The following NUDT11 variants were observed in gnomAD, a reference collection of about 807,000 sequenced individuals.
The protein encoded by NUDT11 is nudix hydrolase 11, also known as diphosphoinositol polyphosphate phosphohydrolase 3-beta.
Under a neutral mutation model 10.0 loss-of-function variants are expected in NUDT11, and 1 was observed. That is an observed-to-expected ratio of 0.10 (90% CI 0.04 to 0.47). The LOEUF is 0.47. Ranked by LOEUF, NUDT11 falls within the 20% of genes least tolerant of loss-of-function variation. NUDT11 has a pLI of 0.96. For missense variants in NUDT11, 47 were observed against 140.4 expected, an observed-to-expected ratio of 0.33 and a Z score of 3.36; for synonymous variants, 63 against 65.9, an observed-to-expected ratio of 0.96 and a Z score of 0.21.
intron 1 of NUDT11, among the ~76,000 whole-genome samples, chrX:51,492,400 T>C (rs949332887): frequency 8.4e-5 from 9 of 107,229 alleles, no homozygotes; most frequent in African/African-American, 1.4e-4. Context: ...GTAGTCTCAC[T>C]CTGTCGCCCA....
At chrX:51,492,242 AT>A (rs1262383672) in intron 1 of NUDT11, among the ~76,000 whole-genome samples, 89 of 109,556 alleles carry the variant, frequency 8.1e-4, no homozygotes, top group African/African-American at 2.7e-3. Flanking sequence ...CCAACAACAG[AT>A]TTTTTTTTTA....
At chrX:51,495,733 C>G (rs1475559559) in intron 1 of NUDT11, among the ~76,000 whole-genome samples, 1 of 110,719 alleles carries the variant, frequency 9.0e-6, no homozygotes, top group Non-Finnish European at 1.9e-5. Flanking sequence ...AACCAAGAAG[C>G]GATTTTGAAA....
At chrX:51,493,896 TAGAA>T (rs1557326405) in intron 1 of NUDT11, among the ~76,000 whole-genome samples, 1 of 112,084 alleles carries the variant, frequency 8.9e-6, no homozygotes, top group Non-Finnish European at 1.9e-5. Context: ...CTTCTAATGA[TAGAA>T]AGTACGAGTT....
chrX:51,496,138 G>C lies in NUDT11; in HGVS notation c.307C>G (p.Leu103Val). The change falls in exon 1 of 2, where the codon CTG becomes GTG. Residue 103 changes from leucine to valine, a missense_variant. By Grantham distance (32) the Leu-to-Val change is conservative (BLOSUM62 1). Transcript: ENST00000375992. ...TYVYVLTVTE[L>V]LEDWEDSVSI... ...ACCGAATCTTCCCAATCCTCCAGCA[G>C]CTCCGTGACAGTCAGTACATACACG... 1 of 1,211,741 alleles carries C rather than the reference G, an allele frequency of 8.3e-7. No homozygotes were observed. Among genetic ancestry groups the C allele is most frequent in the Non-Finnish European group, 1.1e-6 (1 of 895,361 alleles).
chrX:51,494,213 A>C (rs782436159), intron 1 of NUDT11, among the ~76,000 whole-genome samples: 28 of 112,515 alleles, frequency 2.5e-4, no homozygotes, highest in African/African-American at 8.7e-4. Context: ...TAAAAGTTAC[A>C]AAATATTTTT....
At chrX:51,492,578 T>C (rs1925619570) in intron 1 of NUDT11, among the ~76,000 whole-genome samples, 1 of 111,348 alleles carries the variant, frequency 9.0e-6, no homozygotes, top group Admixed American at 9.5e-5. Flanking sequence ...TTTCGCCATA[T>C]TGGCCAGGCT....
chrX:51,491,950 A>G (rs1925603210), intron 1 of NUDT11, among the ~76,000 whole-genome samples: 1 of 112,254 alleles, frequency 8.9e-6, no homozygotes, highest in Admixed American at 9.5e-5. Context: ...ATGATGTAAA[A>G]AAGTCAGGAA....
rs1251515646 is a variant in NUDT11 at position 51,496,530 on chromosome X, GC to G, written c.-87del. The G allele has an allele frequency of 2.7e-5, 32 of 1,169,737 alleles. No individual in the cohort carries two copies. The East Asian group carries it at 9.7e-4, about 35-fold the overall frequency. On this transcript the variant is annotated 5_prime_UTR_variant, in exon 1 of 2. Transcript: ENST00000375992. ...CTGCCGCTGCCGCCGCCGGGGAACA[GC>G]CGAGGTGCTGGGAAGAGAAAGGGCC...
In NUDT11 at chrX:51,496,005, C is replaced by T; in HGVS notation, c.440G>A (p.Gly147Asp). 8.3e-7 allele frequency: 1 copy of T among 1,208,107 alleles called. No homozygotes were observed. The highest frequency in any genetic ancestry group is 1.1e-6 in the Non-Finnish European group (1 of 892,831). ...AEYLEKLKLG[G>D]SPTNGNSMAP... ...CATGGAGTTTCCATTGGTTGGGGAA[C>T]CGCCCAGCTTTAGTTTCTCCAGATA... The change falls in exon 1 of 2, where the codon GGT becomes GAT. Residue 147 changes from glycine to aspartate, a missense_variant. Coordinates refer to ENST00000375992, the MANE Select transcript of NUDT11 (RefSeq NM_018159.4).
intron 1 of NUDT11, among the ~76,000 whole-genome samples, chrX:51,493,548 A>C (rs1925637965): frequency 8.9e-6 from 1 of 111,938 alleles, no homozygotes; most frequent in Admixed American, 9.5e-5. Context: ...ACAAAGTACA[A>C]ATCTCAGTTT....
At chrX:51,494,691 A>G (rs1437284928) in intron 1 of NUDT11, among the ~76,000 whole-genome samples, 1 of 111,395 alleles carries the variant, frequency 9.0e-6, no homozygotes, top group East Asian at 2.8e-4. Flanking sequence ...AGAGCAAAAT[A>G]ATGAGTAGGA....
rs1336878992 is a variant in NUDT11 at position 51,491,148 on chromosome X, A to G, written c.*601T>C. The G allele has an allele frequency of 8.9e-6, 1 of 112,527 alleles. No individual in the cohort carries two copies. The highest frequency in any genetic ancestry group is 1.9e-5 in the Non-Finnish European group (1 of 53,279). 9.3% of individuals were successfully genotyped at this position (112,527 alleles called of 1,213,427 possible). ...TGTTACACGAAGGACTGATTCTACA[A>G]AACATTACCCTAGGTGATGGCATAA... On this transcript the variant is annotated 3_prime_UTR_variant, in exon 2 of 2. Coordinates refer to ENST00000375992, the MANE Select transcript of NUDT11 (RefSeq NM_018159.4).
Position 51,496,570 on chromosome X carries a change from G to A in NUDT11, c.-126C>T. 1 of 1,048,150 alleles carries A rather than the reference G, an allele frequency of 9.5e-7. No homozygotes were observed. The highest frequency in any genetic ancestry group is 1.3e-6 in the Non-Finnish European group (1 of 795,088). 86.4% of individuals were successfully genotyped at this position (1,048,150 alleles called of 1,213,427 possible). A position where few individuals can be genotyped will look rare whatever the true frequency, so the allele number is the denominator to read the frequency against. On this transcript the variant is annotated 5_prime_UTR_variant, in exon 1 of 2. Coordinates refer to ENST00000375992, the MANE Select transcript of NUDT11 (RefSeq NM_018159.4). The stretch of plus-strand genomic sequence containing the variant: ...AGAGAAAGGGCCGAGGCGAGGGGCG[G>A]GGAAAGAGAGGCGCCTCCGTCTGCC...
chrX:51,493,661 C>T (rs1806989620), intron 1 of NUDT11, among the ~76,000 whole-genome samples: 2 of 110,700 alleles, frequency 1.8e-5, no homozygotes, highest in African/African-American at 6.5e-5. Context: ...TCTGATGAGA[C>T]TAAGTTCCAG....
Position 51,496,174 on chromosome X carries a change from G to A in NUDT11, c.271C>T (p.His91Tyr). The A allele has an allele frequency of 8.3e-7, 1 of 1,211,586 alleles. No individual in the cohort carries two copies. Among genetic ancestry groups the A allele is most frequent in the Non-Finnish European group, 1.1e-6 (1 of 895,417 alleles). ...GVFEQNQDRK[H>Y]RTYVYVLTVT... Reference sequence around the variant, plus strand: ...GTCAGTACATACACGTACGTTCTGTGCTTGCGATCCTGGTTCTGTTCGAAG... The same window carrying A: ...GTCAGTACATACACGTACGTTCTGTACTTGCGATCCTGGTTCTGTTCGAAG... Residue 91 changes from histidine (H) to tyrosine (Y), a missense_variant, in exon 1 of 2, where the codon CAC (histidine) becomes TAC (tyrosine). Coordinates refer to ENST00000375992, the MANE Select transcript of NUDT11 (RefSeq NM_018159.4).
At position 51,490,984 on chromosome X, in the gene NUDT11, C is replaced by A. The variant is rs1396814437; in HGVS notation, c.*765G>T. ...CATTGCAAAAAAATGTCTTATATAT[C>A]ATTTTAAAATTTATTTTTATAAAAA... On this transcript the variant is annotated 3_prime_UTR_variant, in exon 2 of 2. Transcript: ENST00000375992. 1 of 112,430 alleles carries A rather than the reference C, an allele frequency of 8.9e-6. No homozygotes were observed. Among genetic ancestry groups the A allele is most frequent in the Non-Finnish European group, 1.9e-5 (1 of 53,256 alleles). The allele number at this position is 112,430 out of a possible 1,213,427, so 9.3% of individuals were successfully genotyped here.
intron 1 of NUDT11, among the ~76,000 whole-genome samples, chrX:51,494,932 GT>G (rs782686252): frequency 1.3e-4 from 15 of 111,876 alleles, no homozygotes; most frequent in South Asian, 1.1e-3. Flanking sequence ...AGTCAGGGAG[GT>G]TTAAGCGGAA....
At chrX:51,495,419 G>A (rs1470029703) in intron 1 of NUDT11, among the ~76,000 whole-genome samples, 1 of 111,672 alleles carries the variant, frequency 9.0e-6, no homozygotes, top group African/African-American at 3.3e-5. Context: ...CTGTGAAGGA[G>A]AAAACTAAAG....
chrX:51,495,906 C>G, intron 1 of NUDT11, 45 bp downstream of exon 1: 3 of 1,196,636 alleles, frequency 2.5e-6, no homozygotes, highest in Non-Finnish European at 3.4e-6. Context: ...GCATTTTAAG[C>G]GAGGCAGACA....
Sources: allele counts gnomAD v4.1 joint callset (sites outside exome capture counted in the v4.1 genomes callset), GRCh38; gene constraint gnomAD v4.1.1; transcripts MANE v1.5; gene names NCBI Gene and HGNC (gene_info 2026-07-23, HGNC 2026-07-21).